KPNA7: variants seen among roughly 807,000 people sequenced by gnomAD.
The protein encoded by KPNA7 is importin subunit alpha-8.
A neutral mutation model predicts 53.7 loss-of-function variants in KPNA7; 54 were observed. That is an observed-to-expected ratio of 1.01 (90% CI 0.81 to 1.26). KPNA7 has a LOEUF of 1.26. Ranked by LOEUF, KPNA7 falls within the 50% of genes most tolerant of loss-of-function variation. The pLI is 0.00. For missense variants in KPNA7, 640 were observed against 644.5 expected (o/e 0.99, Z 0.07); for synonymous variants, 276 against 259.3 (o/e 1.06, Z -0.62).
chr7:99,214,471 C>A (rs951521179), intron 1 of KPNA7, among the ~76,000 whole-genome samples: 6 of 144,820 alleles, frequency 4.1e-5, no homozygotes, highest in South Asian at 2.3e-4. Context: ...AAAACAAAAA[C>A]AAAAAAACTA....
Position 99,203,114 on chromosome 7 carries a change from C to T in KPNA7, c.193G>A (p.Gly65Arg), listed in dbSNP as rs1563086894. The T allele has an allele frequency of 2.6e-6, 4 of 1,551,642 alleles. No homozygotes were observed. The highest frequency in any genetic ancestry group is 1.4e-5 in the African/African-American group (1 of 73,156). Reference protein sequence around the residue: ...PDTPSEKTAKGVAVSLTLGEI... With the variant: ...PDTPSEKTAKRVAVSLTLGEI... ...AAACACTACATACTGACCGCCACCC[C>T]TTTGGCTGTTTTTTCAGAAGGTGTG... Residue 65 changes from glycine to arginine, a missense_variant, in exon 3 of 11, where the codon GGG becomes AGG. Transcript: ENST00000327442.
chr7:99,181,533 G>T (rs913551437), intron 9 of KPNA7, among the ~76,000 whole-genome samples: 3 of 152,178 alleles, frequency 2.0e-5, no homozygotes, highest in African/African-American at 7.2e-5. Context: ...AGGTATTGGG[G>T]GAAGAGAAAT....
At chr7:99,177,251 C>A (rs556318839) in intron 10 of KPNA7, among the ~76,000 whole-genome samples, 2 of 152,034 alleles carry the variant, frequency 1.3e-5, no homozygotes, top group African/African-American at 4.8e-5. Flanking sequence ...TTGTAGTTAA[C>A]GGGTAGGGAG....
chr7:99,204,324 A>G (rs538433282), intron 2 of KPNA7, among the ~76,000 whole-genome samples: 65 of 151,874 alleles, frequency 4.3e-4, no homozygotes, highest in African/African-American at 1.5e-3. Flanking sequence ...GTGAGCTACG[A>G]TTGTACCACT....
chr7:99,185,127 C>G lies in KPNA7; in HGVS notation c.936G>C (p.Thr312=), dbSNP rs10953283. ...PSLRTVGNIV[T]GTDEQTQMAI... ...CCATCTGCGTCTGCTCATCTGTGCC[C>G]GTGACAATGTTCCCCACGGTGCGGA... The change falls in exon 8 of 11, where the codon ACG becomes ACC. Residue 312 remains threonine, a synonymous_variant. Coordinates refer to ENST00000327442, the MANE Select transcript of KPNA7 (RefSeq NM_001145715.3). 6.4e-7 allele frequency: 1 copy of G among 1,551,636 alleles called. No individual in the cohort carries two copies.
upstream of KPNA7, among the ~76,000 whole-genome samples, chr7:99,210,799 C>T (rs1234403197): frequency 6.6e-6 from 1 of 151,874 alleles, no homozygotes; most frequent in South Asian, 2.1e-4. Context: ...GTTGCCCAGG[C>T]TGGTTTCAAA....
At chr7:99,187,955 C>A (rs1431611850) in intron 7 of KPNA7, among the ~76,000 whole-genome samples, 2 of 151,116 alleles carry the variant, frequency 1.3e-5, no homozygotes, top group Non-Finnish European at 2.9e-5. Flanking sequence ...GCAGGAGGAT[C>A]ACCTGAGGTC....
chr7:99,173,771 T>A lies in KPNA7; in HGVS notation c.1488A>T (p.Leu496Phe). 1 of 1,551,186 alleles carries A rather than the reference T, an allele frequency of 6.4e-7. No homozygotes were observed. Among genetic ancestry groups the A allele is most frequent in the Non-Finnish European group, 8.7e-7 (1 of 1,146,214 alleles). ...AATCTTGGTCTATGACTTGGCTCAG[T>A]AAAGTTTGGCTCTCATCTTCTTCCT... ...FGEEEDESQTLLSQVIDQDYE... is the reference protein window; with the variant it reads ...FGEEEDESQTFLSQVIDQDYE... Residue 496 changes from leucine to phenylalanine, a missense_variant, in exon 11 of 11, where the codon TTA becomes TTT. Physicochemically the swap from Leu to Phe is conservative, Grantham distance 22. Transcript: ENST00000327442.
intron 1 of KPNA7, among the ~76,000 whole-genome samples, chr7:99,216,014 G>A (rs1456035515): frequency 6.6e-6 from 1 of 151,390 alleles, no homozygotes; most frequent in Non-Finnish European, 1.5e-5. Context: ...GTTATACACA[G>A]TCCAAGTCAG....
rs1198279255 is a variant in KPNA7 at position 99,218,334 on chromosome 7, G to A, written c.-23-10845C>T. 7.9e-5 allele frequency among the ~76,000 whole-genome samples: 12 copies of A among 151,878 alleles called. No individual in the cohort carries two copies. The East Asian group carries it at 2.1e-3, about 27-fold the overall frequency. ...TTTTTTTTGTAGAAACAGGGTCTTT[G>A]TTGCCCAGGCTGGTCTCAAACTCCT... On this transcript the variant is annotated intron_variant, in intron 1 of 10. Transcript: ENST00000681060.
upstream of KPNA7, among the ~76,000 whole-genome samples, chr7:99,208,648 C>T (rs1790940974): frequency 6.6e-6 from 1 of 152,104 alleles, no homozygotes; most frequent in Admixed American, 6.6e-5. Context: ...CCTTGTGATC[C>T]ACCCACCTCA....
At chr7:99,180,513 C>CTA (rs1799121844) in intron 9 of KPNA7, among the ~76,000 whole-genome samples, 1 of 145,032 alleles carries the variant, frequency 6.9e-6, no homozygotes, top group Non-Finnish European at 1.5e-5. Flanking sequence ...GTCTCTCTCT[C>CTA]TCTGTGTCTC....
At chr7:99,201,914 G>A (rs1291024807) in intron 3 of KPNA7, among the ~76,000 whole-genome samples, 1 of 151,952 alleles carries the variant, frequency 6.6e-6, no homozygotes, top group East Asian at 2.0e-4. Context: ...CACCATGTTG[G>A]CCAGGCTGGT....
the KPNA7 span, among the ~76,000 whole-genome samples, chr7:99,164,338 G>A: frequency 0.91 from 137,400 of 151,754 alleles, 62,774 homozygotes; most frequent in East Asian, 1. Flanking sequence ...GTCCTTTGTA[G>A]GGACATGGAT....
chr7:99,205,460 T>C (rs921934976), intron 2 of KPNA7, among the ~76,000 whole-genome samples: 1 of 148,626 alleles, frequency 6.7e-6, no homozygotes, highest in African/African-American at 2.5e-5. Context: ...GATGGTGGCC[T>C]AACCAGGCTG....
At chr7:99,193,662 A>G (rs1790076505) in intron 5 of KPNA7, among the ~76,000 whole-genome samples, 1 of 150,300 alleles carries the variant, frequency 6.7e-6, no homozygotes, top group Admixed American at 6.7e-5. Flanking sequence ...TTCCTCCTGC[A>G]GCCTTTTATT....
In KPNA7 at chr7:99,215,239, G is replaced by A. The variant is rs150900822; in HGVS notation, c.-23-7750C>T. On this transcript the variant is annotated intron_variant, in intron 1 of 10. Coordinates refer to the KPNA7 transcript ENST00000681060. ...ATACAAAAATTAGCTGGGCGTGGTG[G>A]TGGGCGCCTGTAATCTCAGCTACTC... 3.1e-3 allele frequency among the ~76,000 whole-genome samples: 469 copies of A among 151,948 alleles called. 3 individuals carry two copies. The highest frequency in any genetic ancestry group is 9.1e-3 in the African/African-American group (379 of 41,452).
chr7:99,171,667 G>T (rs1027360262), downstream of KPNA7, among the ~76,000 whole-genome samples: 5 of 152,150 alleles, frequency 3.3e-5, no homozygotes, highest in African/African-American at 9.7e-5. Flanking sequence ...AGGCTGAGGC[G>T]GGAGGATTGC....
Position 99,177,923 on chromosome 7 carries a change from A to AC in KPNA7, c.1460dup (p.Glu488Ter). The AC allele has an allele frequency of 6.4e-7, 1 of 1,551,608 alleles. No individual in the cohort carries two copies. ...TCCACGCTCCTAAGTCACTTACCTC[A>AC]CCAAAGTGCTTCTCGATGATGTTCA... On this transcript the variant is annotated frameshift_variant, in exon 10 of 11. Transcript: ENST00000327442. LOFTEE classifies it low-confidence loss of function (END_TRUNC).
Sources: gnomAD v4.1 joint callset for allele counts (sites outside exome capture counted in the v4.1 genomes callset) on GRCh38, gnomAD v4.1.1 for gene constraint, MANE v1.5 for transcripts, NCBI Gene and HGNC (gene_info 2026-07-23, HGNC 2026-07-21) for gene names.